The following LPP variants were observed in gnomAD, a reference collection of about 807,000 sequenced individuals.
LPP encodes the protein lipoma-preferred partner.
LPP carries 38 observed loss-of-function variants against 60.4 expected under a neutral mutation model. That is an observed-to-expected ratio of 0.63 (90% CI 0.49 to 0.83). The LOEUF is 0.83. LPP is among the 40% of genes least tolerant of loss of function. The pLI, the probability that LPP is intolerant of heterozygous loss-of-function variation, is 0.00. For synonymous variants in LPP, 328 were observed against 290.8 expected, an observed-to-expected ratio of 1.13 and a Z score of -1.30; for missense variants, 902 against 783.6, an observed-to-expected ratio of 1.15 and a Z score of -1.80.
At chr3:188,479,609 G>A (rs1219182831) in intron 4 of LPP, among the ~76,000 whole-genome samples, 1 of 152,206 alleles carries the variant, frequency 6.6e-6, no homozygotes, top group Non-Finnish European at 1.5e-5. Flanking sequence ...GGCATATAAA[G>A]ATAAATCATG....
At chr3:188,736,628 A>G (rs1359162028) in intron 8 of LPP, among the ~76,000 whole-genome samples, 3 of 152,070 alleles carry the variant, frequency 2.0e-5, no homozygotes, top group African/African-American at 7.2e-5. Context: ...ATATCTGTCA[A>G]TCCAGACAGA....
intron 7 of LPP, among the ~76,000 whole-genome samples, chr3:188,624,779 T>TCC (rs1553947888): frequency 0.16 from 9,008 of 55,492 alleles, 839 homozygotes; most frequent in East Asian, 0.62. Flanking sequence ...CTTCCTTCCT[T>TCC]TTCCTTCCTT....
intron 9 of LPP, among the ~76,000 whole-genome samples, chr3:188,837,412 A>G (rs1045187355): frequency 1.7e-4 from 25 of 149,448 alleles, no homozygotes; most frequent in African/African-American, 5.9e-4. Context: ...TAATAATAAT[A>G]ATAATAATAA....
chr3:188,458,218 T>C (rs9838748), intron 4 of LPP, among the ~76,000 whole-genome samples: 29,756 of 152,066 alleles, frequency 0.2, 2,946 homozygotes, highest in East Asian at 0.23. Context: ...AACTTGGATA[T>C]GGGCTAAATT....
At chr3:188,810,068 C>T (rs184340250) in intron 9 of LPP, among the ~76,000 whole-genome samples, 7 of 152,194 alleles carry the variant, frequency 4.6e-5, no homozygotes, top group Admixed American at 3.3e-4. Context: ...TCAGGTCTTT[C>T]GTGTGAGCAT....
At chr3:188,602,863 T>C (rs1368886965) in intron 6 of LPP, among the ~76,000 whole-genome samples, 2 of 151,848 alleles carry the variant, frequency 1.3e-5, no homozygotes, top group Non-Finnish European at 2.9e-5. Flanking sequence ...GCACTTTTTT[T>C]CTCGGTCTCC....
At chr3:188,773,234 T>G (rs1736661825) in intron 9 of LPP, among the ~76,000 whole-genome samples, 1 of 152,142 alleles carries the variant, frequency 6.6e-6, no homozygotes, top group South Asian at 2.1e-4. Flanking sequence ...CTGGATCTTT[T>G]TTTTGCTCTT....
chr3:188,583,435 G>A (rs1436233032), intron 6 of LPP, among the ~76,000 whole-genome samples: 1 of 152,036 alleles, frequency 6.6e-6, no homozygotes, highest in Non-Finnish European at 1.5e-5. Context: ...CAACATAGAC[G>A]CCATTTCCCT....
chr3:188,680,600 T>G (rs551723259), intron 7 of LPP, among the ~76,000 whole-genome samples: 1 of 152,192 alleles, frequency 6.6e-6, no homozygotes, highest in African/African-American at 2.4e-5. Flanking sequence ...CAGTGATGCA[T>G]TCAGACAGCA....
At chr3:188,276,599 C>T (rs985280529) in intron 2 of LPP, among the ~76,000 whole-genome samples, 9 of 151,914 alleles carry the variant, frequency 5.9e-5, no homozygotes, top group Non-Finnish European at 2.9e-5. Flanking sequence ...TTGGTGATGT[C>T]TTTGTGATAG....
At chr3:188,357,426 T>C (rs971701231) in intron 3 of LPP, among the ~76,000 whole-genome samples, 4 of 152,168 alleles carry the variant, frequency 2.6e-5, no homozygotes, top group Non-Finnish European at 5.9e-5. Context: ...GATGCTGAAC[T>C]CTTTCTCACA....
chr3:188,358,477 A>C (rs115866320), intron 3 of LPP, among the ~76,000 whole-genome samples: 5,663 of 152,338 alleles, frequency 0.037, 151 homozygotes, highest in Non-Finnish European at 0.061. Flanking sequence ...GAGAAAGTTC[A>C]GAGAAGAAAA....
intron 7 of LPP, among the ~76,000 whole-genome samples, chr3:188,625,108 A>G (rs1846589956): frequency 6.6e-6 from 1 of 152,186 alleles, no homozygotes; most frequent in Admixed American, 6.5e-5. Flanking sequence ...AGTCATAAAA[A>G]TGTCCTATAA....
At chr3:188,832,027 A>G (rs1250283577) in intron 9 of LPP, among the ~76,000 whole-genome samples, 1 of 152,178 alleles carries the variant, frequency 6.6e-6, no homozygotes, top group Non-Finnish European at 1.5e-5. Flanking sequence ...AATTTTCTAC[A>G]TAGATACTTG....
At chr3:188,701,728 A>G (rs1193227460) in intron 7 of LPP, among the ~76,000 whole-genome samples, 4 of 151,464 alleles carry the variant, frequency 2.6e-5, no homozygotes, top group African/African-American at 7.3e-5. Context: ...TAAATTGCTC[A>G]GAATGCCACG....
intron 3 of LPP, among the ~76,000 whole-genome samples, chr3:188,395,116 T>C (rs910384049): frequency 1.3e-5 from 2 of 152,226 alleles, no homozygotes; most frequent in African/African-American, 4.8e-5. Context: ...TCCTTGAAGG[T>C]TGATAATTTA....
In LPP at chr3:188,298,194, A is replaced by T. The variant is rs139223777; in HGVS notation, c.-66-43469A>T. On this transcript the variant is annotated intron_variant, in intron 2 of 11. Transcript: ENST00000617246. ...GTAGCAAGCCCAATGAGCTCCTGAT[A>T]CGATCCTAATAGGATCCTCTTCTCT... Among the ~76,000 whole-genome samples, 66 of 152,284 alleles carry T rather than the reference A, an allele frequency of 4.3e-4. No individual in the cohort carries two copies. In the East Asian group the frequency reaches 8.5e-3, roughly 20 times the overall value.
rs907611347 is a variant in LPP, at chr3:188,536,578, C to T, written c.429+11791C>T. Among the ~76,000 whole-genome samples, 56 of 152,114 alleles carry T rather than the reference C, an allele frequency of 3.7e-4. 2 individuals carry two copies. Among genetic ancestry groups the T allele is most frequent in the Middle Eastern group, 3.2e-3 (1 of 314 alleles). The stretch of plus-strand genomic sequence containing the variant: ...ACATCTTAAAAATATATCTAAACTT[C>T]GGACAATTTTAAAAAGAGAGTATTG... On this transcript the variant is annotated intron_variant, in intron 6 of 11. Coordinates refer to ENST00000617246, the MANE Select transcript of LPP (RefSeq NM_001375462.1).
At chr3:188,372,724 T>C (rs1773655782) in intron 3 of LPP, among the ~76,000 whole-genome samples, 1 of 151,812 alleles carries the variant, frequency 6.6e-6, no homozygotes, top group African/African-American at 2.4e-5. Flanking sequence ...ATTATTATTA[T>C]ACTTTAAGTT....
Sources: allele counts gnomAD v4.1 joint callset (sites outside exome capture counted in the v4.1 genomes callset), GRCh38; gene constraint gnomAD v4.1.1; transcripts MANE v1.5; gene names NCBI Gene and HGNC (gene_info 2026-07-23, HGNC 2026-07-21).